The following PALM2AKAP2 variants were observed in gnomAD, a reference collection of about 807,000 sequenced individuals.
PALM2AKAP2 encodes the protein PALM2-AKAP2 fusion protein.
In PALM2AKAP2, 37 loss-of-function variants were observed where a neutral mutation model predicts 71.5. That is an observed-to-expected ratio of 0.52 (90% CI 0.40 to 0.68). The LOEUF is 0.68. Among genes scored for constraint, PALM2AKAP2 ranks in the 30% least tolerant of loss-of-function variants. The probability of loss-of-function intolerance (pLI) is 0.00; values close to 1 mark genes in which losing one functional copy is unlikely to be tolerated. For synonymous variants in PALM2AKAP2, 468 were observed against 478.8 expected (o/e 0.98, Z 0.29); for missense variants, 1,224 against 1,191.8 (o/e 1.03, Z -0.40).
chr9:110,077,147 C>T lies in PALM2AKAP2; in HGVS notation c.156+28292C>T, dbSNP rs111878836. 8.1e-3 allele frequency among the ~76,000 whole-genome samples: 1,235 copies of T among 152,268 alleles called. 21 individuals are homozygous for T. Among genetic ancestry groups the T allele is most frequent in the African/African-American group, 0.029 (1,187 of 41,562 alleles). ...TGACAATCCTGGGTGTGATTCTCAGCTTAACTACTTGCTGTGTGACAACAA... is the reference window on the plus strand; with the variant it reads ...TGACAATCCTGGGTGTGATTCTCAGTTTAACTACTTGCTGTGTGACAACAA... On this transcript the variant is annotated intron_variant, in intron 1 of 3. Coordinates refer to ENST00000374525, the Ensembl canonical transcript of PALM2AKAP2.
chr9:109,687,314 A>G (rs1268016622), intron 1 of PALM2AKAP2, among the ~76,000 whole-genome samples: 1 of 152,240 alleles, frequency 6.6e-6, no homozygotes, highest in Admixed American at 6.5e-5. Flanking sequence ...AGTGCTAGAT[A>G]ACCTCTTCTT....
intron 1 of PALM2AKAP2, among the ~76,000 whole-genome samples, chr9:109,700,171 C>A (rs556756860): frequency 3.3e-5 from 5 of 152,094 alleles, no homozygotes; most frequent in Admixed American, 6.5e-5. Flanking sequence ...GGCTGTGTCC[C>A]CACCCAAATC....
chr9:109,834,691 A>T (rs770473689), intron 1 of PALM2AKAP2, among the ~76,000 whole-genome samples: 14 of 152,210 alleles, frequency 9.2e-5, no homozygotes, highest in Non-Finnish European at 2.1e-4. Context: ...GCTAAGTGTT[A>T]CCACATGCTA....
chr9:109,655,474 A>G (rs1340227136), intron 1 of PALM2AKAP2, among the ~76,000 whole-genome samples: 1 of 152,122 alleles, frequency 6.6e-6, no homozygotes, highest in Non-Finnish European at 1.5e-5. Context: ...TACCATTGTA[A>G]CCATTTATAA....
Position 110,162,080 on chromosome 9 carries a change from T to C in PALM2AKAP2, c.2748+5583T>C. On this transcript the variant is annotated intron_variant, in intron 3 of 3. Coordinates refer to ENST00000374525, the Ensembl canonical transcript of PALM2AKAP2. The stretch of plus-strand genomic sequence containing the variant: ...CTGCCATGTACTAACCCTGGTCTTT[T>C]CCCTCTCTGCCAGTACACTTCTAAG... 1 of 1,614,008 alleles carries C rather than the reference T, an allele frequency of 6.2e-7. No individual in the cohort carries two copies. Among genetic ancestry groups the C allele is most frequent in the Non-Finnish European group, 8.5e-7 (1 of 1,179,934 alleles).
intron 1 of PALM2AKAP2, among the ~76,000 whole-genome samples, chr9:109,807,140 GT>G (rs113877709): frequency 0.44 from 64,106 of 147,332 alleles, 16,002 homozygotes; most frequent in African/African-American, 0.7. Context: ...TAAGTGGAAT[GT>G]GAGAGAGAGA....
intron 1 of PALM2AKAP2, among the ~76,000 whole-genome samples, chr9:109,709,706 T>C (rs1307193990): frequency 6.6e-6 from 1 of 152,100 alleles, no homozygotes; most frequent in Non-Finnish European, 1.5e-5. Flanking sequence ...CCCAGACTGA[T>C]GGACACAGGC....
chr9:109,748,041 C>T (rs1255293309), intron 1 of PALM2AKAP2, among the ~76,000 whole-genome samples: 1 of 152,218 alleles, frequency 6.6e-6, no homozygotes, highest in African/African-American at 2.4e-5. Context: ...AGTTTCAACA[C>T]AATATTTACC....
At chr9:109,834,214 A>G (rs1828389818) in intron 1 of PALM2AKAP2, among the ~76,000 whole-genome samples, 1 of 152,160 alleles carries the variant, frequency 6.6e-6, no homozygotes, top group Admixed American at 6.5e-5. Flanking sequence ...CTCCATTTCA[A>G]ACAAAACAAA....
chr9:109,863,211 A>G lies in PALM2AKAP2; in HGVS notation c.46-4280A>G, dbSNP rs537076225. Among the ~76,000 whole-genome samples, 10 of 152,334 alleles carry G rather than the reference A, an allele frequency of 6.6e-5. No homozygotes were observed. The South Asian group carries it at 2.1e-3, about 32-fold the overall frequency. ...TCTGTAATGTGCTAAAGATGCTAAT[A>G]TGGAATAGTCTCCATGTCCAGGTAG... is the stretch of plus-strand genomic sequence containing the variant. On this transcript the variant is annotated intron_variant, in intron 1 of 9. Transcript: ENST00000302798.
intron 1 of PALM2AKAP2, among the ~76,000 whole-genome samples, chr9:110,084,915 T>C (rs1248589209): frequency 1.3e-5 from 2 of 150,438 alleles, no homozygotes; most frequent in Non-Finnish European, 3.0e-5. Context: ...TTTTTTTTTG[T>C]ATTTTTAGTA....
intron 5 of PALM2AKAP2, among the ~76,000 whole-genome samples, chr9:109,930,989 A>T (rs1227483637): frequency 2.0e-5 from 3 of 152,202 alleles, no homozygotes; most frequent in Non-Finnish European, 2.9e-5. Context: ...GAGCAGTTAG[A>T]TGTAACCATT....
intron 1 of PALM2AKAP2, among the ~76,000 whole-genome samples, chr9:109,683,422 C>T (rs191122551): frequency 1.1e-4 from 17 of 152,118 alleles, no homozygotes; most frequent in Non-Finnish European, 1.9e-4. Flanking sequence ...GATTGGAGTT[C>T]TCCTGCTACA....
At chr9:109,786,471 A>G (rs1435578336) in intron 1 of PALM2AKAP2, among the ~76,000 whole-genome samples, 1 of 152,252 alleles carries the variant, frequency 6.6e-6, no homozygotes, top group African/African-American at 2.4e-5. Flanking sequence ...CTGTTATCTT[A>G]TATCTCAGAG....
chr9:109,856,570 G>A (rs184863893), intron 1 of PALM2AKAP2, among the ~76,000 whole-genome samples: 11 of 152,316 alleles, frequency 7.2e-5, no homozygotes, highest in Admixed American at 6.5e-4. Flanking sequence ...GTAGGGATGA[G>A]GTGAAGAGAA....
At chr9:109,656,709 C>T (rs1827313011) in intron 1 of PALM2AKAP2, among the ~76,000 whole-genome samples, 3 of 152,250 alleles carry the variant, frequency 2.0e-5, no homozygotes, top group Non-Finnish European at 4.4e-5. Flanking sequence ...AGGCTGGAGA[C>T]CTGTTGCAGG....
chr9:109,911,690 T>C (rs1830572763), intron 3 of PALM2AKAP2, among the ~76,000 whole-genome samples: 1 of 152,238 alleles, frequency 6.6e-6, no homozygotes, highest in South Asian at 2.1e-4. Context: ...ATCTCCAAGT[T>C]ACATTCACTA....
intron 3 of PALM2AKAP2, among the ~76,000 whole-genome samples, chr9:109,906,861 A>G (rs925324726): frequency 2.0e-5 from 3 of 152,162 alleles, no homozygotes; most frequent in African/African-American, 7.2e-5. Context: ...TTACTTTCCG[A>G]ATCAGACTCA....
chr9:110,130,781 T>A (rs1835716168), intron 1 of PALM2AKAP2, among the ~76,000 whole-genome samples: 1 of 152,308 alleles, frequency 6.6e-6, no homozygotes, highest in Non-Finnish European at 1.5e-5. Flanking sequence ...ACACCATCCC[T>A]AAGGGTGTAT....
Sources: gnomAD v4.1 joint callset for allele counts (sites outside exome capture counted in the v4.1 genomes callset) on GRCh38, gnomAD v4.1.1 for gene constraint, MANE v1.5 for transcripts, NCBI Gene and HGNC (gene_info 2026-07-23, HGNC 2026-07-21) for gene names.